CHRM3: variants seen among roughly 807,000 people sequenced by gnomAD.
The protein encoded by CHRM3 is cholinergic receptor muscarinic 3.
Under a neutral mutation model 41.8 loss-of-function variants are expected in CHRM3, and 11 were observed. The ratio of observed to expected loss-of-function variants is 0.26; its 90% CI spans 0.17 to 0.44. CHRM3 has a LOEUF of 0.44. Ranked by LOEUF, CHRM3 falls within the 20% of genes least tolerant of loss-of-function variation. The pLI is 1.00. For synonymous variants in CHRM3, 297 were observed against 301.4 expected (o/e 0.99, Z 0.15); for missense variants, 571 against 745.4 (o/e 0.77, Z 2.72).
intron 5 of CHRM3, among the ~76,000 whole-genome samples, chr1:239,785,376 A>T (rs977663024): frequency 4.6e-5 from 7 of 152,244 alleles, no homozygotes; most frequent in Non-Finnish European, 1.0e-4. Flanking sequence ...ATTGTGAGTT[A>T]TGAAGGCTGC....
chr1:239,410,505 T>C (rs1420431525), intron 1 of CHRM3, among the ~76,000 whole-genome samples: 1 of 152,184 alleles, frequency 6.6e-6, no homozygotes, highest in Non-Finnish European at 1.5e-5. Context: ...ACCATCTCTG[T>C]AAAATGCACA....
chr1:239,423,972 G>A (rs1411942438), intron 1 of CHRM3, among the ~76,000 whole-genome samples: 1 of 150,104 alleles, frequency 6.7e-6, no homozygotes, highest in Non-Finnish European at 1.5e-5. Context: ...GGAGAATGGC[G>A]TGAACCCAGG....
At chr1:239,648,129 C>G (rs551026552) in intron 4 of CHRM3, among the ~76,000 whole-genome samples, 169 of 152,296 alleles carry the variant, frequency 1.1e-3, no homozygotes, top group Non-Finnish European at 2.1e-3. Flanking sequence ...CTACTCTACC[C>G]TCTACCCTGA....
chr1:239,701,230 A>G (rs1223983239), intron 5 of CHRM3, among the ~76,000 whole-genome samples: 1 of 152,186 alleles, frequency 6.6e-6, no homozygotes, highest in African/African-American at 2.4e-5. Flanking sequence ...AGTCAGTTCA[A>G]CTAGGCAGAA....
At chr1:239,573,973 G>A (rs1259751696) in intron 3 of CHRM3, among the ~76,000 whole-genome samples, 1 of 151,992 alleles carries the variant, frequency 6.6e-6, no homozygotes, top group African/African-American at 2.4e-5. Flanking sequence ...GTAGAGGCTG[G>A]ATCTGGTCTC....
chr1:239,788,186 T>C (rs1209372647), intron 5 of CHRM3, among the ~76,000 whole-genome samples: 1 of 152,112 alleles, frequency 6.6e-6, no homozygotes, highest in Non-Finnish European at 1.5e-5. Flanking sequence ...TAGTGAGTCA[T>C]GATCACACTA....
intron 5 of CHRM3, among the ~76,000 whole-genome samples, chr1:239,695,828 A>G (rs1572012878): frequency 1.3e-5 from 2 of 152,212 alleles, no homozygotes; most frequent in Non-Finnish European, 2.9e-5. Flanking sequence ...AACTAGACTT[A>G]CACAGTTATT....
chr1:239,526,568 T>A (rs1670006149), intron 2 of CHRM3, among the ~76,000 whole-genome samples: 1 of 152,152 alleles, frequency 6.6e-6, no homozygotes, highest in African/African-American at 2.4e-5. Flanking sequence ...CAGGAAGACA[T>A]CTGGCCTCAG....
At chr1:239,671,298 C>T (rs1402119319) in intron 4 of CHRM3, among the ~76,000 whole-genome samples, 1 of 152,190 alleles carries the variant, frequency 6.6e-6, no homozygotes, top group African/African-American at 2.4e-5. Flanking sequence ...AAAGCCCAGG[C>T]TGGGCGCAGT....
chr1:239,536,397 C>A (rs984405482), intron 2 of CHRM3, among the ~76,000 whole-genome samples: 2 of 152,136 alleles, frequency 1.3e-5, no homozygotes, highest in African/African-American at 4.8e-5. Flanking sequence ...TCGTAGTCAT[C>A]CTTGATTGCT....
intron 2 of CHRM3, among the ~76,000 whole-genome samples, chr1:239,505,869 G>A (rs1324082492): frequency 6.6e-6 from 1 of 152,148 alleles, no homozygotes; most frequent in Non-Finnish European, 1.5e-5. Flanking sequence ...AGGCTGAGTT[G>A]GTCTCAGATG....
intron 2 of CHRM3, among the ~76,000 whole-genome samples, chr1:239,523,647 A>C (rs1572592498): frequency 6.6e-6 from 1 of 152,108 alleles, no homozygotes; most frequent in East Asian, 1.9e-4. Context: ...GTCTATTTTC[A>C]TTTTCACAAC....
At chr1:239,672,340 G>T (rs7549504) in intron 4 of CHRM3, among the ~76,000 whole-genome samples, 5,576 of 152,078 alleles carry the variant, frequency 0.037, 348 homozygotes, top group African/African-American at 0.13. Flanking sequence ...CTCAGAAAAG[G>T]CTTCAGAAAA....
intron 3 of CHRM3, among the ~76,000 whole-genome samples, chr1:239,573,878 G>C (rs1174470484): frequency 6.6e-6 from 1 of 151,968 alleles, no homozygotes; most frequent in Non-Finnish European, 1.5e-5. Flanking sequence ...TCTGGACCTT[G>C]TCTTCCACAC....
intron 3 of CHRM3, among the ~76,000 whole-genome samples, chr1:239,558,034 AG>A (rs1379343892): frequency 6.6e-6 from 1 of 152,284 alleles, no homozygotes; most frequent in East Asian, 1.9e-4. Flanking sequence ...TGATATTTCC[AG>A]TTCTTAATCT....
chr1:239,895,514 C>G (rs1678921636), intron 6 of CHRM3, among the ~76,000 whole-genome samples: 1 of 152,180 alleles, frequency 6.6e-6, no homozygotes, highest in African/African-American at 2.4e-5. Flanking sequence ...CACATACATG[C>G]ATATGTTTAT....
intron 1 of CHRM3, among the ~76,000 whole-genome samples, chr1:239,417,329 G>T (rs1034594247): frequency 4.6e-5 from 7 of 152,172 alleles, no homozygotes; most frequent in African/African-American, 1.7e-4. Context: ...GCACTTCTGG[G>T]TAAATTCTGA....
Position 239,638,688 on chromosome 1 carries a change from G to A in CHRM3, c.-250+6402G>A, listed in dbSNP as rs1422970043. ...GCCCTTTGTCAGATGAGTAGGTTGC[G>A]AAAATTTTCTCCCATTTTGTAGGTT... On this transcript the variant is annotated intron_variant, in intron 4 of 6. Transcript: ENST00000676153. 1.6e-4 allele frequency among the ~76,000 whole-genome samples: 25 copies of A among 152,156 alleles called. No homozygotes were observed. The East Asian group carries it at 2.1e-3, about 13-fold the overall frequency.
intron 4 of CHRM3, among the ~76,000 whole-genome samples, chr1:239,645,058 G>A (rs189054035): frequency 5.1e-4 from 77 of 152,344 alleles, no homozygotes; most frequent in Admixed American, 2.0e-3. Context: ...GATGGGCAGA[G>A]CAGTCTATGG....
Sources: gnomAD v4.1 joint callset for allele counts (sites outside exome capture counted in the v4.1 genomes callset) on GRCh38, gnomAD v4.1.1 for gene constraint, MANE v1.5 for transcripts, NCBI Gene and HGNC (gene_info 2026-07-23, HGNC 2026-07-21) for gene names.